The following CELF2 variants were observed in gnomAD, a reference collection of about 807,000 sequenced individuals.
CELF2 encodes the protein CUGBP Elav-like family member 2.
CELF2 carries 8 observed loss-of-function variants against 62.6 expected under a neutral mutation model. The ratio of observed to expected loss-of-function variants is 0.13; its 90% CI spans 0.07 to 0.23. CELF2 has a LOEUF of 0.23. Among genes scored for constraint, CELF2 ranks in the 10% least tolerant of loss-of-function variants. The pLI, the probability that CELF2 is intolerant of heterozygous loss-of-function variation, is 1.00. For synonymous variants in CELF2, 258 were observed against 250.0 expected (o/e 1.03, Z -0.30); for missense variants, 333 against 671.0 (o/e 0.50, Z 5.56).
chr10:10,612,586 G>T, the CELF2 span, among the ~76,000 whole-genome samples: 1 of 152,186 alleles, frequency 6.6e-6, no homozygotes, highest in Admixed American at 6.5e-5. Context: ...GCTACAGGGA[G>T]GTAGAAGGAA....
At chr10:10,724,454 G>C in the CELF2 span, among the ~76,000 whole-genome samples, 1 of 152,050 alleles carries the variant, frequency 6.6e-6, no homozygotes, top group Non-Finnish European at 1.5e-5. Context: ...AGGAGTTCAA[G>C]ACCAGCCTGG....
At chr10:10,658,165 C>G in the CELF2 span, among the ~76,000 whole-genome samples, 44 of 152,080 alleles carry the variant, frequency 2.9e-4, no homozygotes, top group African/African-American at 1.1e-3. Flanking sequence ...TTCTAAAATC[C>G]AAATATTGAG....
the CELF2 span, among the ~76,000 whole-genome samples, chr10:10,683,741 A>ACAT: frequency 6.6e-6 from 1 of 152,228 alleles, no homozygotes; most frequent in Admixed American, 6.5e-5. Flanking sequence ...GGGCTTGGTT[A>ACAT]TGAAAGAAAA....
chr10:11,293,583 C>T (rs2092794207), intron 9 of CELF2, among the ~76,000 whole-genome samples: 1 of 152,210 alleles, frequency 6.6e-6, no homozygotes, highest in Non-Finnish European at 1.5e-5. Context: ...AGGCGTTCTG[C>T]AGACGTCACC....
chr10:10,509,826 G>T, the CELF2 span, among the ~76,000 whole-genome samples: 1 of 152,204 alleles, frequency 6.6e-6, no homozygotes, highest in African/African-American at 2.4e-5. Context: ...AGCCCCTACA[G>T]TACATTGAGG....
At chr10:11,044,269 G>A (rs570620023) in intron 1 of CELF2, among the ~76,000 whole-genome samples, 8 of 152,282 alleles carry the variant, frequency 5.3e-5, no homozygotes, top group Admixed American at 2.0e-4. Flanking sequence ...TGGGAGCCCC[G>A]AAACAGCAGG....
intron 1 of CELF2, among the ~76,000 whole-genome samples, chr10:10,900,823 T>C (rs192762808): frequency 2.6e-5 from 4 of 152,208 alleles, no homozygotes; most frequent in Non-Finnish European, 5.9e-5. Context: ...ATGTAGAAAA[T>C]TGAATAAAAT....
rs375110037 is a variant in CELF2 at position 11,165,706 on chromosome 10, G to A, written c.271+24G>A. On this transcript the variant is annotated intron_variant, in intron 2 of 12. Transcript: ENST00000633077. The surrounding 1 kb of genome is among the most constrained non-coding windows in gnomAD (Gnocchi z 7.4). ...AGGTACAGAGCGCGGGGCGGGGGTC[G>A]CCAGGCGTCCAGGTGGGCGTCGCGG... The A allele has an allele frequency of 1.2e-5, 19 of 1,591,648 alleles. No homozygotes were observed. The African/African-American group carries it at 1.7e-4, about 15-fold the overall frequency.
In CELF2 at chr10:11,157,179, C is replaced by T. The variant is rs78221129; in HGVS notation, c.75-8307C>T. Among the ~76,000 whole-genome samples, 5,474 of 152,166 alleles carry T rather than the reference C, an allele frequency of 0.036. 118 individuals carry two copies. Among genetic ancestry groups the T allele is most frequent in the African/African-American group, 0.044 (1,821 of 41,512 alleles). On this transcript the variant is annotated intron_variant, in intron 1 of 12. Coordinates refer to ENST00000633077, the MANE Select transcript of CELF2 (RefSeq NM_001326342.2). The surrounding 1 kb of genome is among the most constrained non-coding windows in gnomAD (Gnocchi z 4.9). ...AGTCACCCATGCACATGACTGCCGT[C>T]GGCGCCAGGGTCTTTGCTGGTACTT...
rs982458671 is a variant in CELF2 at position 11,297,323 on chromosome 10, G to A, written c.976+8771G>A. 2.0e-5 allele frequency among the ~76,000 whole-genome samples: 3 copies of A among 152,206 alleles called. No homozygotes were observed. The highest frequency in any genetic ancestry group is 2.9e-5 in the Non-Finnish European group (2 of 68,034). On this transcript the variant is annotated intron_variant, in intron 9 of 12. Coordinates refer to ENST00000633077, the MANE Select transcript of CELF2 (RefSeq NM_001326342.2). This position sits in a 1 kb window ranked among gnomAD's most constrained non-coding sequence, Gnocchi z 4.4. Reference sequence around the variant, plus strand: ...AGCCGGGAGCTGCAGAGTGGATTGAGACTGACCTGCAGAGGCCAGGCGGGC... The same window carrying A: ...AGCCGGGAGCTGCAGAGTGGATTGAAACTGACCTGCAGAGGCCAGGCGGGC...
At chr10:10,690,212 T>A in the CELF2 span, among the ~76,000 whole-genome samples, 2 of 152,158 alleles carry the variant, frequency 1.3e-5, no homozygotes, top group Non-Finnish European at 2.9e-5. Context: ...TTCCCAGAAC[T>A]TTGCACCTTT....
At chr10:11,190,947 A>G (rs2076171022) in intron 2 of CELF2, among the ~76,000 whole-genome samples, 1 of 151,956 alleles carries the variant, frequency 6.6e-6, no homozygotes, top group South Asian at 2.1e-4. Context: ...GTGTGGGGAG[A>G]TGTGAGAGTT....
At position 11,335,876 on chromosome 10, in the gene CELF2, T is replaced by G. The variant is rs2096110996; in HGVS notation, c.*6823T>G. 1 of 152,242 alleles carries G rather than the reference T, an allele frequency of 6.6e-6. No individual in the cohort carries two copies. Among genetic ancestry groups the G allele is most frequent in the South Asian group, 2.1e-4 (1 of 4,832 alleles). 9.4% of individuals were successfully genotyped at this position (152,242 alleles called of 1,614,324 possible). ...AGAGAAAGACAAAGCCAGTTTTTGT[T>G]GCTTTTCTAAAGCAACAAATAATTC... On this transcript the variant is annotated 3_prime_UTR_variant, in exon 13 of 13. Coordinates refer to ENST00000633077, the MANE Select transcript of CELF2 (RefSeq NM_001326342.2). The surrounding 1 kb of genome is among the most constrained non-coding windows in gnomAD (Gnocchi z 5.0).
intron 1 of CELF2, among the ~76,000 whole-genome samples, chr10:10,853,523 C>T (rs193037722): frequency 1.3e-5 from 2 of 152,098 alleles, no homozygotes; most frequent in African/African-American, 4.8e-5. Flanking sequence ...CATAACTACA[C>T]TCGTAGAATG....
Position 11,224,428 on chromosome 10 carries a change from C to G in CELF2, c.354+6921C>G, listed in dbSNP as rs778369298. Among the ~76,000 whole-genome samples, 3 of 152,140 alleles carry G rather than the reference C, an allele frequency of 2.0e-5. No homozygotes were observed. The highest frequency in any genetic ancestry group is 4.4e-5 in the Non-Finnish European group (3 of 68,020). On this transcript the variant is annotated intron_variant, in intron 3 of 12. Transcript: ENST00000633077. The surrounding 1 kb of genome is among the most constrained non-coding windows in gnomAD (Gnocchi z 4.5). ...TTAGATTTCAGAGATAATCATTTCT[C>G]TACGACAGCCCAAGATTAAACTGGG...
At chr10:11,160,367 G>C (rs2065425816) in intron 1 of CELF2, among the ~76,000 whole-genome samples, 1 of 152,206 alleles carries the variant, frequency 6.6e-6, no homozygotes, top group Non-Finnish European at 1.5e-5. Flanking sequence ...CTCAAGCACT[G>C]ATGGGGCTTT....
chr10:11,232,315 A>T (rs1437096986), intron 3 of CELF2, among the ~76,000 whole-genome samples: 1 of 152,206 alleles, frequency 6.6e-6, no homozygotes, highest in Admixed American at 6.5e-5. Flanking sequence ...GGGCTAAAAA[A>T]TAGCTTCTAT....
At chr10:10,730,707 C>T in the CELF2 span, among the ~76,000 whole-genome samples, 9 of 152,144 alleles carry the variant, frequency 5.9e-5, no homozygotes, top group South Asian at 2.1e-4. Context: ...GGAGGGGTGT[C>T]GTCCTGGCCC....
chr10:11,187,212 GT>G (rs764536597), intron 2 of CELF2, among the ~76,000 whole-genome samples: 18 of 151,974 alleles, frequency 1.2e-4, no homozygotes, highest in African/African-American at 4.4e-4. Context: ...TTGAAGTTCT[GT>G]TTTTTTGATG....
Sources: gnomAD v4.1 joint callset for allele counts (sites outside exome capture counted in the v4.1 genomes callset) on GRCh38, gnomAD v4.1.1 for gene constraint, Gnocchi (gnomAD v3.1) non-coding constraint, MANE v1.5 for transcripts, NCBI Gene and HGNC (gene_info 2026-07-23, HGNC 2026-07-21) for gene names.